Variants in AGO1 observed in about 807,000 individuals in gnomAD.
AGO1 encodes protein argonaute-1.
Under a neutral mutation model 109.2 loss-of-function variants are expected in AGO1, and 11 were observed. The observed-to-expected ratio is 0.10, with a 90% CI of 0.06 to 0.17. The LOEUF (loss-of-function observed/expected upper bound fraction) is 0.17, where lower values mean the gene tolerates loss of function less well. Ranked by LOEUF, AGO1 falls within the 10% of genes least tolerant of loss-of-function variation. The probability of loss-of-function intolerance (pLI) is 1.00; values close to 1 mark genes in which losing one functional copy is unlikely to be tolerated. For missense variants in AGO1, 574 were observed against 1,140.3 expected, an observed-to-expected ratio of 0.50 and a Z score of 7.15; for synonymous variants, 422 against 418.6, an observed-to-expected ratio of 1.01 and a Z score of -0.10.
intron 1 of AGO1, among the ~76,000 whole-genome samples, chr1:35,877,588 C>A (rs1344573293): frequency 6.6e-6 from 1 of 152,166 alleles, no homozygotes; most frequent in Non-Finnish European, 1.5e-5. Context: ...AGTACAGTGG[C>A]CACTAACCAC....
At chr1:35,918,689 G>T (rs1480795761) in intron 17 of AGO1, among the ~76,000 whole-genome samples, 1 of 152,134 alleles carries the variant, frequency 6.6e-6, no homozygotes, top group African/African-American at 2.4e-5. Context: ...CCAAGTAGCT[G>T]GGATTACAAG....
Position 35,928,988 on chromosome 1 carries a change from C to T in AGO1, c.*9381C>T, listed in dbSNP as rs1368992746. The T allele has an allele frequency of 6.6e-6, 1 of 152,206 alleles. No homozygotes were observed. The highest frequency in any genetic ancestry group is 1.5e-5 in the Non-Finnish European group (1 of 68,022). 9.4% of individuals were successfully genotyped at this position (152,206 alleles called of 1,614,324 possible). Reference sequence around the variant, plus strand: ...TTTGCTGAGCCCCATTCTTGAAGCTCATTTATTTATTCACCTATCTGTCCA... The same window carrying T: ...TTTGCTGAGCCCCATTCTTGAAGCTTATTTATTTATTCACCTATCTGTCCA... On this transcript the variant is annotated 3_prime_UTR_variant, in exon 19 of 19. Coordinates refer to ENST00000373204, the MANE Select transcript of AGO1 (RefSeq NM_012199.5).
intron 3 of AGO1, 99 bp downstream of exon 3, chr1:35,892,776 G>A: frequency 6.4e-7 from 1 of 1,558,006 alleles, no homozygotes; most frequent in Non-Finnish European, 8.8e-7. Flanking sequence ...TTCATCTTTT[G>A]TGCTGAGAAA....
intron 12 of AGO1, among the ~76,000 whole-genome samples, chr1:35,913,030 T>C (rs1387370633): frequency 6.6e-6 from 1 of 152,036 alleles, no homozygotes; most frequent in African/African-American, 2.4e-5. Flanking sequence ...TTTTTTTTTT[T>C]TCTTCTGGAT....
intron 16 of AGO1, 96 bp downstream of exon 16, chr1:35,917,823 T>A: frequency 6.6e-7 from 1 of 1,515,710 alleles, no homozygotes; most frequent in Non-Finnish European, 8.9e-7. Flanking sequence ...ATTTAGTCCT[T>A]GTCCTATCTA....
Position 35,915,380 on chromosome 1 carries a change from A to C in AGO1, c.1866A>C (p.Arg622=). The C allele has an allele frequency of 6.2e-7, 1 of 1,614,038 alleles. No homozygotes were observed. Among genetic ancestry groups the C allele is most frequent in the Admixed American group, 1.7e-5 (1 of 60,026 alleles). ...GCAGTATGGATGCCCACCCCAGCCGATACTGTGCTACTGTGCGGGTACAGC... is the reference window on the plus strand; with the variant it reads ...GCAGTATGGATGCCCACCCCAGCCGCTACTGTGCTACTGTGCGGGTACAGC... The part of the protein sequence containing the change: ...VVGSMDAHPS[R]YCATVRVQRP... The change falls in exon 15 of 19, where the codon CGA becomes CGC. Residue 622 remains arginine (R), a synonymous_variant. Transcript: ENST00000373204.
At position 35,899,793 on chromosome 1, in the gene AGO1, C is replaced by T. The variant is rs546873208; in HGVS notation, c.1021-1681C>T. Among the ~76,000 whole-genome samples the T allele has an allele frequency of 2.0e-5, 3 of 152,278 alleles. No homozygotes were observed. The South Asian group carries it at 6.2e-4, about 32-fold the overall frequency. On this transcript the variant is annotated intron_variant, in intron 8 of 18. Coordinates refer to ENST00000373204, the MANE Select transcript of AGO1 (RefSeq NM_012199.5). ...GTTGGCCCTATGGGAGCAAGTTCCT[C>T]ATTTCATCTCATCTAAATCCTTACA...
intron 12 of AGO1, among the ~76,000 whole-genome samples, chr1:35,908,728 G>A (rs564543993): frequency 6.6e-6 from 1 of 151,500 alleles, no homozygotes; most frequent in East Asian, 1.9e-4. Flanking sequence ...TTGTCTTTTC[G>A]CTTCACCTTC....
rs1010924348 is a variant in AGO1 at position 35,920,131 on chromosome 1, T to C, written c.*524T>C. The stretch of plus-strand genomic sequence containing the variant: ...AAATGAAACCAGACCCAGATCAATA[T>C]TTTAGGATACTAGATGTTTTAATGG... On this transcript the variant is annotated 3_prime_UTR_variant, in exon 19 of 19. Coordinates refer to ENST00000373204, the MANE Select transcript of AGO1 (RefSeq NM_012199.5). 1 of 152,968 alleles carries C rather than the reference T, an allele frequency of 6.5e-6. No individual in the cohort carries two copies. Among genetic ancestry groups the C allele is most frequent in the Non-Finnish European group, 1.5e-5 (1 of 68,470 alleles). The allele number at this position is 152,968 out of a possible 1,614,324, so 9.5% of individuals were successfully genotyped here.
rs1645269019 is a variant in AGO1, at chr1:35,893,926, C to T, written c.650-111C>T. 1.3e-6 allele frequency: 2 copies of T among 1,523,942 alleles called. No homozygotes were observed. Among genetic ancestry groups the T allele is most frequent in the South Asian group, 1.3e-5 (1 of 78,718 alleles). 94.4% of individuals were successfully genotyped at this position (1,523,942 alleles called of 1,614,324 possible). A position where few individuals can be genotyped will look rare whatever the true frequency, so the allele number is the denominator to read the frequency against. ...TAGTCTAATTCCTACAGCCCTGGCA[C>T]CCCCTTCCCCCATCCCAATGCCCTT... is the stretch of plus-strand genomic sequence containing the variant. On this transcript the variant is annotated intron_variant, in intron 5 of 18. Coordinates refer to ENST00000373204, the MANE Select transcript of AGO1 (RefSeq NM_012199.5). This position sits in a 1 kb window ranked among gnomAD's most constrained non-coding sequence, Gnocchi z 5.6.
Position 35,914,282 on chromosome 1 carries a change from A to G in AGO1, c.1833+8A>G, listed in dbSNP as rs1645694569. ...AAACCTTCTATCACAGCAGTGAGTG[A>G]TATTCTGTAGCTGCCTCATAAGGTT... On this transcript the variant is annotated splice_region_variant and intron_variant, in intron 14 of 18. Transcript: ENST00000373204. 1.2e-6 allele frequency: 2 copies of G among 1,611,108 alleles called. No homozygotes were observed. The highest frequency in any genetic ancestry group is 8.5e-7 in the Non-Finnish European group (1 of 1,177,402).
chr1:35,883,292 G>GGCGGCGCT lies in AGO1; in HGVS notation c.-130_-129insGCGGCGCT. 1 of 1,424,300 alleles carries GGCGGCGCT rather than the reference G, an allele frequency of 7.0e-7. No individual in the cohort carries two copies. Among genetic ancestry groups the GGCGGCGCT allele is most frequent in the Non-Finnish European group, 9.2e-7 (1 of 1,090,704 alleles). The allele number at this position is 1,424,300 out of a possible 1,614,324, so 88.2% of individuals were successfully genotyped here. On this transcript the variant is annotated 5_prime_UTR_variant, in exon 1 of 19. Coordinates refer to ENST00000373204, the MANE Select transcript of AGO1 (RefSeq NM_012199.5). The surrounding 1 kb of genome is among the most constrained non-coding windows in gnomAD (Gnocchi z 5.4). ...ACGGAGGCTGCGGGGGCGGCGGCGC[G>GGCGGCGCT]AGCGGCCGGGCTTGGTAGGGGAGCC...
intron 12 of AGO1, among the ~76,000 whole-genome samples, chr1:35,909,618 C>T (rs527306675): frequency 6.6e-6 from 1 of 152,166 alleles, no homozygotes; most frequent in Non-Finnish European, 1.5e-5. Flanking sequence ...GACATTTCAC[C>T]TGGAGAGTGA....
chr1:35,904,228 C>T (rs967902604), intron 11 of AGO1, among the ~76,000 whole-genome samples: 1 of 151,424 alleles, frequency 6.6e-6, no homozygotes, highest in Admixed American at 6.6e-5. Flanking sequence ...GCCTCAGCCT[C>T]CCAAGCAGCT....
intron 1 of AGO1, among the ~76,000 whole-genome samples, chr1:35,887,384 T>G (rs1645137924): frequency 6.6e-6 from 1 of 152,182 alleles, no homozygotes; most frequent in Non-Finnish European, 1.5e-5. Flanking sequence ...TTCCCTTTTT[T>G]TCTCTCTTCC....
At position 35,893,921 on chromosome 1, in the gene AGO1, T is replaced by G; in HGVS notation, c.649+111T>G. 6.5e-7 allele frequency: 1 copy of G among 1,528,980 alleles called. No homozygotes were observed. Among genetic ancestry groups the G allele is most frequent in the South Asian group, 1.3e-5 (1 of 79,354 alleles). The allele number at this position is 1,528,980 out of a possible 1,614,324, so 94.7% of individuals were successfully genotyped here. ...ACTCCTAGTCTAATTCCTACAGCCC[T>G]GGCACCCCCTTCCCCCATCCCAATG... On this transcript the variant is annotated intron_variant, in intron 5 of 18. Coordinates refer to ENST00000373204, the MANE Select transcript of AGO1 (RefSeq NM_012199.5). The surrounding 1 kb of genome is among the most constrained non-coding windows in gnomAD (Gnocchi z 5.6).
intron 2 of AGO1, among the ~76,000 whole-genome samples, chr1:35,891,692 G>C (rs1445423014): frequency 6.6e-6 from 1 of 151,562 alleles, no homozygotes; most frequent in African/African-American, 2.4e-5. Context: ...AGCCTCCTGA[G>C]TAGCTGGGAC....
At chr1:35,877,328 C>T (rs1234879193) in intron 1 of AGO1, among the ~76,000 whole-genome samples, 1 of 152,198 alleles carries the variant, frequency 6.6e-6, no homozygotes, top group Non-Finnish European at 1.5e-5. Flanking sequence ...CTGATAGTTC[C>T]TGGTGTAATG....
intron 1 of AGO1, among the ~76,000 whole-genome samples, chr1:35,886,030 C>T (rs1571340388): frequency 6.6e-6 from 1 of 152,070 alleles, no homozygotes; most frequent in Non-Finnish European, 1.5e-5. Context: ...GGTGTGTGGG[C>T]CTCAGAACTG....
Sources: allele counts gnomAD v4.1 joint callset (sites outside exome capture counted in the v4.1 genomes callset), GRCh38; gene constraint gnomAD v4.1.1; non-coding constraint Gnocchi (gnomAD v3.1); transcripts MANE v1.5; gene names NCBI Gene and HGNC (gene_info 2026-07-23, HGNC 2026-07-21).